Variants in PRELID2 observed in about 807,000 individuals in gnomAD.
The protein encoded by PRELID2 is PRELI domain-containing protein 2.
Under a neutral mutation model 28.4 loss-of-function variants are expected in PRELID2, and 25 were observed. The observed-to-expected ratio is 0.88, with a 90% CI of 0.64 to 1.23. PRELID2 has a LOEUF of 1.23. Ranked by LOEUF, PRELID2 falls within the 50% of genes most tolerant of loss-of-function variation. The pLI, the probability that PRELID2 is intolerant of heterozygous loss-of-function variation, is 0.00. For missense variants in PRELID2, 201 were observed against 214.4 expected, an observed-to-expected ratio of 0.94 and a Z score of 0.39; for synonymous variants, 76 against 71.6, an observed-to-expected ratio of 1.06 and a Z score of -0.31.
the PRELID2 span, chr5:145,229,043 C>T: frequency 6.3e-7 from 1 of 1,599,474 alleles, no homozygotes; most frequent in Non-Finnish European, 8.5e-7. Flanking sequence ...GGGCGGCCAT[C>T]CAGTCCAGCG....
intron 1 of PRELID2, among the ~76,000 whole-genome samples, chr5:145,745,212 T>C (rs902855870): frequency 4.6e-5 from 7 of 151,964 alleles, no homozygotes; most frequent in African/African-American, 1.7e-4. Context: ...TGGGACTCCA[T>C]AAAAAGACCA....
chr5:145,675,747 G>T (rs933820228), intron 1 of PRELID2, among the ~76,000 whole-genome samples: 3 of 152,150 alleles, frequency 2.0e-5, no homozygotes, highest in African/African-American at 7.2e-5. Context: ...GAAAAAAAAT[G>T]TGACAAATAT....
intron 5 of PRELID2, among the ~76,000 whole-genome samples, chr5:145,790,891 G>GTGTA (rs145070556): frequency 4.7e-4 from 66 of 141,408 alleles, no homozygotes; most frequent in Non-Finnish European, 6.9e-4. Flanking sequence ...TCACTTCTGG[G>GTGTA]TATATATATA....
chr5:145,417,743 A>G, the PRELID2 span, among the ~76,000 whole-genome samples: 1 of 152,206 alleles, frequency 6.6e-6, no homozygotes, highest in Non-Finnish European at 1.5e-5. Context: ...GAAGGGACAT[A>G]TCTCAAAATA....
At chr5:145,641,982 C>T (rs1754115590) in intron 1 of PRELID2, among the ~76,000 whole-genome samples, 2 of 152,116 alleles carry the variant, frequency 1.3e-5, no homozygotes, top group African/African-American at 4.8e-5. Flanking sequence ...CATACGTGTG[C>T]ATGTATCTTT....
the PRELID2 span, among the ~76,000 whole-genome samples, chr5:145,363,356 G>T: frequency 2.0e-5 from 3 of 151,928 alleles, no homozygotes; most frequent in Non-Finnish European, 4.4e-5. Flanking sequence ...TCTTGCTATG[G>T]GATTATTGTG....
chr5:145,562,194 C>A (rs1752930412), intron 1 of PRELID2, among the ~76,000 whole-genome samples: 1 of 152,082 alleles, frequency 6.6e-6, no homozygotes, highest in Non-Finnish European at 1.5e-5. Flanking sequence ...TAGCAAGTGC[C>A]AAATACTTCA....
At chr5:145,787,882 T>C (rs189032866) in intron 5 of PRELID2, among the ~76,000 whole-genome samples, 6 of 152,280 alleles carry the variant, frequency 3.9e-5, no homozygotes, top group Middle Eastern at 3.4e-3. Context: ...ATATAGTATA[T>C]GAACAAATAA....
intron 1 of PRELID2, among the ~76,000 whole-genome samples, chr5:145,724,600 A>ATATATATAT (rs1756080147): frequency 7.3e-4 from 18 of 24,776 alleles, no homozygotes; most frequent in Non-Finnish European, 1.3e-3. Context: ...GAAGTAAATA[A>ATATATATAT]ATATATATAT....
At position 145,692,197 on chromosome 5, in the gene PRELID2, A is replaced by G. The variant is rs77187501; in HGVS notation, n.70+72734T>C. ...ATCTTTCTATGCCGGCATTTATAACAGTGCTGAGCACATAGTATGCTCAAT... is the reference window on the plus strand; with the variant it reads ...ATCTTTCTATGCCGGCATTTATAACGGTGCTGAGCACATAGTATGCTCAAT... On this transcript the variant is annotated intron_variant and non_coding_transcript_variant, in intron 1 of 2. Transcript: ENST00000510259. 2.2e-3 allele frequency among the ~76,000 whole-genome samples: 336 copies of G among 152,308 alleles called. 1 individual carries two copies. Among genetic ancestry groups the G allele is most frequent in the African/African-American group, 7.8e-3 (326 of 41,574 alleles).
chr5:145,574,400 C>G (rs980336635), intron 1 of PRELID2, among the ~76,000 whole-genome samples: 5 of 152,176 alleles, frequency 3.3e-5, no homozygotes, highest in African/African-American at 1.2e-4. Flanking sequence ...TTATAAGCCA[C>G]AAAGTTTGTA....
intron 1 of PRELID2, among the ~76,000 whole-genome samples, chr5:145,511,987 G>A (rs1215666062): frequency 7.9e-5 from 12 of 152,046 alleles, no homozygotes; most frequent in African/African-American, 2.9e-4. Context: ...GATATTTTGT[G>A]GTAAAAAATC....
chr5:145,297,817 C>T, the PRELID2 span, among the ~76,000 whole-genome samples: 1 of 151,882 alleles, frequency 6.6e-6, no homozygotes. Context: ...CATTCTTATA[C>T]ACCAATAACA....
At chr5:145,264,220 C>T in the PRELID2 span, among the ~76,000 whole-genome samples, 1 of 152,100 alleles carries the variant, frequency 6.6e-6, no homozygotes, top group Non-Finnish European at 1.5e-5. Flanking sequence ...AGACCAATAT[C>T]CCTGATAAAC....
At chr5:145,588,031 T>C (rs1580986424) in intron 1 of PRELID2, among the ~76,000 whole-genome samples, 1 of 152,294 alleles carries the variant, frequency 6.6e-6, no homozygotes, top group East Asian at 1.9e-4. Context: ...AGAAGCCTCA[T>C]GCTGCCAGAT....
chr5:145,502,584 A>G (rs540726140), intron 1 of PRELID2, among the ~76,000 whole-genome samples: 84 of 152,306 alleles, frequency 5.5e-4, no homozygotes, highest in South Asian at 2.3e-3. Context: ...ACTTTGAATT[A>G]AAATTATTTG....
At chr5:145,320,112 T>C in the PRELID2 span, among the ~76,000 whole-genome samples, 1 of 152,258 alleles carries the variant, frequency 6.6e-6, no homozygotes, top group Non-Finnish European at 1.5e-5. Flanking sequence ...TTTATTCTTC[T>C]GTTCCATTTA....
the PRELID2 span, among the ~76,000 whole-genome samples, chr5:145,411,048 G>A: frequency 6.6e-6 from 1 of 152,236 alleles, no homozygotes; most frequent in East Asian, 1.9e-4. Flanking sequence ...CTCCATGCAA[G>A]TGTGAACTCT....
At chr5:145,559,530 A>G (rs2126690932) in intron 1 of PRELID2, among the ~76,000 whole-genome samples, 1 of 152,342 alleles carries the variant, frequency 6.6e-6, no homozygotes, top group South Asian at 2.1e-4. Flanking sequence ...ACATGTATAA[A>G]CAAAATCTAT....
Sources: allele counts gnomAD v4.1 joint callset (sites outside exome capture counted in the v4.1 genomes callset), GRCh38; gene constraint gnomAD v4.1.1; transcripts MANE v1.5; gene names NCBI Gene and HGNC (gene_info 2026-07-23, HGNC 2026-07-21).